Variants in MIX23 observed in about 807,000 individuals in gnomAD.
MIX23 encodes mitochondrial matrix import factor 23.
Under a neutral mutation model 21.6 loss-of-function variants are expected in MIX23, and 13 were observed. That is an observed-to-expected ratio of 0.60 (90% CI 0.39 to 0.96). The LOEUF is 0.96. Among genes scored for constraint, MIX23 ranks in the 40% least tolerant of loss-of-function variants. The pLI, the probability that MIX23 is intolerant of heterozygous loss-of-function variation, is 0.00. For synonymous variants in MIX23, 59 were observed against 58.0 expected (o/e 1.02, Z -0.08); for missense variants, 144 against 171.2 (o/e 0.84, Z 0.89).
rs1419464648 is a variant in MIX23, at chr3:122,368,277, T to C, written c.223A>G (p.Ile75Val). Residue 75 changes from isoleucine (I) to valine (V), a missense_variant, in exon 3 of 5, where the codon ATA becomes GTA. By Grantham distance (29) the Ile-to-Val change is conservative. Coordinates refer to ENST00000291458, the MANE Select transcript of MIX23 (RefSeq NM_001017928.4). ...TTTACTACTGCTGAAGTCTGGGCTA[T>C]ACAGTTTTTTATGACTCTGTCTCTA... ...ASRDRVIKNC[I>V]AQTSAVVKNL... The C allele has an allele frequency of 1.7e-5, 27 of 1,609,294 alleles. No individual in the cohort carries two copies. Among genetic ancestry groups the C allele is most frequent in the Non-Finnish European group, 2.3e-5 (27 of 1,179,480 alleles).
At chr3:122,368,402 G>A in intron 2 of MIX23, 80 bp from the exon 3 acceptor site, 2 of 1,348,904 alleles carry the variant, frequency 1.5e-6, no homozygotes, top group East Asian at 2.5e-5. Flanking sequence ...AAAAATCCTT[G>A]AGACTATAGA....
intron 2 of MIX23, 144 bp from the exon 3 acceptor site, chr3:122,368,466 T>C (rs2075414254): frequency 9.4e-6 from 8 of 853,952 alleles, no homozygotes; most frequent in African/African-American, 8.7e-5. Flanking sequence ...AAAGAGAAGA[T>C]TGTGTTGAAT....
At chr3:122,360,640 T>C (rs1469868911) in intron 4 of MIX23, among the ~76,000 whole-genome samples, 2 of 152,130 alleles carry the variant, frequency 1.3e-5, no homozygotes, top group Non-Finnish European at 2.9e-5. Context: ...ATGTCAAAAA[T>C]TTTAAGTGTC....
intron 2 of MIX23, among the ~76,000 whole-genome samples, chr3:122,370,039 T>C (rs1337669334): frequency 6.6e-6 from 1 of 152,186 alleles, no homozygotes; most frequent in Non-Finnish European, 1.5e-5. Context: ...TGTGAGCCAC[T>C]GCACCTGGCC....
At chr3:122,366,341 G>A (rs927547687) in intron 3 of MIX23, 4 of 152,160 alleles carry the variant, frequency 2.6e-5, no homozygotes, top group African/African-American at 7.2e-5. Flanking sequence ...CAGACCTGAC[G>A]CAGTAGTCAT....
chr3:122,374,295 G>A (rs2075466393), intron 1 of MIX23, among the ~76,000 whole-genome samples: 1 of 152,052 alleles, frequency 6.6e-6, no homozygotes, highest in South Asian at 2.1e-4. Context: ...CAGTATCACA[G>A]AGCTCATTAT....
At chr3:122,381,728 TAAAA>T (rs55955834) in intron 1 of MIX23, among the ~76,000 whole-genome samples, 23 of 130,324 alleles carry the variant, frequency 1.8e-4, no homozygotes, top group African/African-American at 6.6e-4. Context: ...AAAAAAAAAA[TAAAA>T]AAAAAAAAAA....
intron 3 of MIX23, among the ~76,000 whole-genome samples, chr3:122,363,871 G>A: frequency 6.7e-6 from 1 of 148,718 alleles, no homozygotes; most frequent in East Asian, 1.9e-4. Context: ...CATTTTGTTA[G>A]AGGACTTGAA....
chr3:122,377,238 A>C lies in MIX23; in HGVS notation c.52-5438T>G, dbSNP rs191539791. ...TAAAATTTTTTAAATTAGAAAAAAC[A>C]AAAAACAAAAAACAAAGCTCTGTTT... On this transcript the variant is annotated intron_variant, in intron 1 of 4. Coordinates refer to ENST00000291458, the MANE Select transcript of MIX23 (RefSeq NM_001017928.4). 2.9e-3 allele frequency among the ~76,000 whole-genome samples: 424 copies of C among 147,150 alleles called. 9 individuals are homozygous for C. The East Asian group carries it at 0.073, about 25-fold the overall frequency.
intron 1 of MIX23, among the ~76,000 whole-genome samples, chr3:122,382,039 T>C (rs1178214403): frequency 6.6e-6 from 1 of 152,244 alleles, no homozygotes; most frequent in Non-Finnish European, 1.5e-5. Context: ...CCTAGCGGAC[T>C]AATACAGTAT....
At chr3:122,382,034 C>G (rs1465259195) in intron 1 of MIX23, among the ~76,000 whole-genome samples, 1 of 152,118 alleles carries the variant, frequency 6.6e-6, no homozygotes, top group Non-Finnish European at 1.5e-5. Context: ...GCAGCCCTAG[C>G]GGACTAATAC....
chr3:122,361,640 A>G (rs886686616), intron 4 of MIX23, among the ~76,000 whole-genome samples: 1 of 152,172 alleles, frequency 6.6e-6, no homozygotes, highest in African/African-American at 2.4e-5. Context: ...AAACTTCTGC[A>G]CTTGTTTTTT....
chr3:122,382,490 G>A (rs2075540991), intron 1 of MIX23, among the ~76,000 whole-genome samples: 1 of 152,088 alleles, frequency 6.6e-6, no homozygotes, highest in Non-Finnish European at 1.5e-5. Context: ...TCATGATTTT[G>A]GAATTCAACT....
At position 122,383,156 on chromosome 3, in the gene MIX23, T is replaced by A; in HGVS notation, c.51+18A>T. On this transcript the variant is annotated intron_variant, in intron 1 of 4. Coordinates refer to ENST00000291458, the MANE Select transcript of MIX23 (RefSeq NM_001017928.4). Reference sequence around the variant, plus strand: ...CAAAAGGAGGCACATGCCTGCCACATGAGGAAAACCCCATCACCTGGAACT... The same window carrying A: ...CAAAAGGAGGCACATGCCTGCCACAAGAGGAAAACCCCATCACCTGGAACT... 1 of 1,613,932 alleles carries A rather than the reference T, an allele frequency of 6.2e-7. No homozygotes were observed. Among genetic ancestry groups the A allele is most frequent in the Non-Finnish European group, 8.5e-7 (1 of 1,179,954 alleles).
chr3:122,362,847 A>G, intron 4 of MIX23, 121 bp downstream of exon 4: 1 of 463,114 alleles, frequency 2.2e-6, no homozygotes, highest in African/African-American at 2.2e-5. Flanking sequence ...TTGTAAATGT[A>G]AACGAGTGAT....
At chr3:122,373,335 G>A (rs1414133132) in intron 1 of MIX23, among the ~76,000 whole-genome samples, 4 of 151,686 alleles carry the variant, frequency 2.6e-5, no homozygotes, top group South Asian at 2.1e-4. Flanking sequence ...GCAGTGGCGC[G>A]ATCTTGGCTC....
At chr3:122,374,267 T>TGC (rs2075466205) in intron 1 of MIX23, among the ~76,000 whole-genome samples, 3 of 152,150 alleles carry the variant, frequency 2.0e-5, no homozygotes, top group Non-Finnish European at 4.4e-5. Flanking sequence ...TGTCTTTAAA[T>TGC]AATGCAGCAG....
intron 1 of MIX23, among the ~76,000 whole-genome samples, chr3:122,374,938 C>G (rs923779960): frequency 1.3e-5 from 2 of 152,250 alleles, no homozygotes; most frequent in Middle Eastern, 3.4e-3. Flanking sequence ...AACATTTGCG[C>G]TAAAATCTAA....
intron 2 of MIX23, among the ~76,000 whole-genome samples, chr3:122,369,608 GA>G (rs2075423809): frequency 6.6e-6 from 1 of 152,082 alleles, no homozygotes; most frequent in Admixed American, 6.5e-5. Flanking sequence ...TAGATACAGA[GA>G]AAAACTCAAA....
Sources: allele counts gnomAD v4.1 joint callset (sites outside exome capture counted in the v4.1 genomes callset), GRCh38; gene constraint gnomAD v4.1.1; transcripts MANE v1.5; gene names NCBI Gene and HGNC (gene_info 2026-07-23, HGNC 2026-07-21).